Variants in LRRTM4 observed in about 807,000 individuals in gnomAD.
LRRTM4 encodes leucine rich repeat transmembrane neuronal 4.
In LRRTM4, 25 loss-of-function variants were observed where a neutral mutation model predicts 47.6. That is an observed-to-expected ratio of 0.53 (90% CI 0.38 to 0.73). The LOEUF (loss-of-function observed/expected upper bound fraction) is 0.73. LRRTM4 is among the 30% of genes least tolerant of loss of function. The pLI, the probability that LRRTM4 is intolerant of heterozygous loss-of-function variation, is 0.00. For missense variants in LRRTM4, 638 were observed against 713.4 expected (o/e 0.89, Z 1.20); for synonymous variants, 311 against 269.5 (o/e 1.15, Z -1.51).
chr2:77,117,456 C>A (rs536089824), intron 3 of LRRTM4, among the ~76,000 whole-genome samples: 1 of 151,630 alleles, frequency 6.6e-6, no homozygotes, highest in East Asian at 1.9e-4. Flanking sequence ...ATCTAATATC[C>A]AGTGATTATT....
intron 3 of LRRTM4, among the ~76,000 whole-genome samples, chr2:77,428,420 G>A (rs1675213128): frequency 4.6e-5 from 7 of 152,100 alleles, no homozygotes. Context: ...TTAAACTGTG[G>A]TTAATGTTCT....
In LRRTM4 at chr2:76,961,895, T is replaced by C. The variant is rs1482472817; in HGVS notation, c.1552-212979A>G. ...AACCTTAAAGTTGAGAAATAAGACA[T>C]TGATAGCTCTCACTTGAACTTGGGT... On this transcript the variant is annotated intron_variant, in intron 3 of 3. Transcript: ENST00000409884. Among the ~76,000 whole-genome samples, 4 of 151,344 alleles carry C rather than the reference T, an allele frequency of 2.6e-5. No individual in the cohort carries two copies. In the East Asian group the frequency reaches 5.9e-4, roughly 22 times the overall value.
chr2:77,068,751 A>G (rs1388582340), intron 3 of LRRTM4, among the ~76,000 whole-genome samples: 1 of 152,198 alleles, frequency 6.6e-6, no homozygotes, highest in Non-Finnish European at 1.5e-5. Context: ...AGGCCCCCCA[A>G]AATCTGGCCA....
At chr2:77,162,611 C>T (rs1408089094) in intron 3 of LRRTM4, among the ~76,000 whole-genome samples, 2 of 152,140 alleles carry the variant, frequency 1.3e-5, no homozygotes, top group Admixed American at 1.3e-4. Flanking sequence ...TGGTGTCCCT[C>T]TGAGATGAAG....
At position 77,451,096 on chromosome 2, in the gene LRRTM4, T is replaced by C. The variant is rs574450279; in HGVS notation, c.1551+67222A>G. On this transcript the variant is annotated intron_variant, in intron 3 of 3. Coordinates refer to ENST00000409884, the MANE Select transcript of LRRTM4 (RefSeq NM_001134745.3). ...CATATCCACATTTTAAGTCTTATTA[T>C]TCAATTCCAGTCAGGCCTAATTCAT... is the stretch of plus-strand genomic sequence containing the variant. Among the ~76,000 whole-genome samples, 12 of 152,306 alleles carry C rather than the reference T, an allele frequency of 7.9e-5. No individual in the cohort carries two copies. The South Asian group carries it at 2.5e-3, about 32-fold the overall frequency.
intron 3 of LRRTM4, among the ~76,000 whole-genome samples, chr2:77,404,020 C>G (rs1674070199): frequency 6.6e-6 from 1 of 151,760 alleles, no homozygotes; most frequent in South Asian, 2.1e-4. Flanking sequence ...CTTTATTATT[C>G]TAGTTTTAAA....
intron 3 of LRRTM4, among the ~76,000 whole-genome samples, chr2:77,260,926 T>A (rs538027549): frequency 3.7e-4 from 57 of 152,206 alleles, no homozygotes; most frequent in Non-Finnish European, 5.0e-4. Flanking sequence ...GCTAAGGCAA[T>A]AACTTCAAAA....
intron 3 of LRRTM4, among the ~76,000 whole-genome samples, chr2:77,298,037 CTAAAAGAGAGAGAGA>C (rs1173450879): frequency 6.6e-6 from 1 of 152,028 alleles, no homozygotes; most frequent in African/African-American, 2.4e-5. Flanking sequence ...GTGTAAGAAA[CTAAAAGAGAGAGAGA>C]GTAAAGAGAG....
chr2:76,984,613 G>A (rs1386563667), intron 3 of LRRTM4, among the ~76,000 whole-genome samples: 2 of 151,996 alleles, frequency 1.3e-5, no homozygotes, highest in African/African-American at 4.8e-5. Context: ...TGGAGGTGGA[G>A]AAGGCTTCTA....
At chr2:77,496,800 C>T (rs1678380613) in intron 3 of LRRTM4, among the ~76,000 whole-genome samples, 1 of 151,572 alleles carries the variant, frequency 6.6e-6, no homozygotes, top group Non-Finnish European at 1.5e-5. Flanking sequence ...TGATGGCCTT[C>T]TTGAATGAGT....
At chr2:77,486,082 T>A (rs1677900650) in intron 3 of LRRTM4, among the ~76,000 whole-genome samples, 1 of 152,154 alleles carries the variant, frequency 6.6e-6, no homozygotes, top group Admixed American at 6.6e-5. Context: ...AGGGACACAC[T>A]TAATAAATAT....
intron 3 of LRRTM4, among the ~76,000 whole-genome samples, chr2:77,253,339 C>T (rs1368587492): frequency 6.6e-6 from 1 of 152,052 alleles, no homozygotes. Context: ...TTTACCACCA[C>T]TCAGTAGTAA....
At chr2:77,319,022 T>A (rs369976540) in intron 3 of LRRTM4, among the ~76,000 whole-genome samples, 15 of 152,190 alleles carry the variant, frequency 9.9e-5, no homozygotes, top group African/African-American at 3.4e-4. Context: ...AGAGAAAATA[T>A]TTTTAACAGG....
intron 3 of LRRTM4, among the ~76,000 whole-genome samples, chr2:77,277,909 A>T (rs1676404610): frequency 6.6e-6 from 1 of 152,022 alleles, no homozygotes; most frequent in African/African-American, 2.4e-5. Flanking sequence ...TGCCCTTATT[A>T]GGTCCATAAG....
chr2:76,754,965 T>C (rs1308297777), intron 3 of LRRTM4, among the ~76,000 whole-genome samples: 1 of 152,160 alleles, frequency 6.6e-6, no homozygotes, highest in East Asian at 1.9e-4. Flanking sequence ...GTAGAATTGC[T>C]CAGCTAAGCC....
At chr2:76,910,881 G>A (rs1387844105) in intron 3 of LRRTM4, among the ~76,000 whole-genome samples, 1 of 152,102 alleles carries the variant, frequency 6.6e-6, no homozygotes, top group Admixed American at 6.6e-5. Flanking sequence ...TGTGCATTCT[G>A]CGTCTGTACT....
chr2:76,761,214 G>C (rs975502460), intron 3 of LRRTM4, among the ~76,000 whole-genome samples: 4 of 152,192 alleles, frequency 2.6e-5, no homozygotes, highest in African/African-American at 9.6e-5. Context: ...AACAAAGCAG[G>C]CTGCTTCCCA....
chr2:77,440,672 T>C (rs1390286373), intron 3 of LRRTM4, among the ~76,000 whole-genome samples: 1 of 152,214 alleles, frequency 6.6e-6, no homozygotes, highest in Non-Finnish European at 1.5e-5. Flanking sequence ...GAAATGATTC[T>C]TACAAAGGCA....
intron 3 of LRRTM4, among the ~76,000 whole-genome samples, chr2:77,088,094 T>C (rs1558572547): frequency 6.6e-6 from 1 of 152,204 alleles, no homozygotes; most frequent in Non-Finnish European, 1.5e-5. Context: ...TCAAGTTAAA[T>C]GATTGGTCTT....
Sources: gnomAD v4.1 joint callset for allele counts (sites outside exome capture counted in the v4.1 genomes callset) on GRCh38, gnomAD v4.1.1 for gene constraint, MANE v1.5 for transcripts, NCBI Gene and HGNC (gene_info 2026-07-23, HGNC 2026-07-21) for gene names.